The following ATPAF2 variants were observed in gnomAD, a reference collection of about 807,000 sequenced individuals.
ATPAF2 encodes the protein ATP synthase mitochondrial F1 complex assembly factor 2, also known as ATP12 homolog.
ATPAF2 carries 30 observed loss-of-function variants against 36.6 expected under a neutral mutation model. The observed-to-expected ratio is 0.82, with a 90% confidence interval of 0.61 to 1.11. The LOEUF (loss-of-function observed/expected upper bound fraction) is 1.11, where lower values mean the gene tolerates loss of function less well. Ranked by LOEUF, ATPAF2 falls within the 50% of genes most tolerant of loss-of-function variation. The pLI is 0.00. For missense variants in ATPAF2, 321 were observed against 372.3 expected, an observed-to-expected ratio of 0.86 and a Z score of 1.13; for synonymous variants, 140 against 152.6, an observed-to-expected ratio of 0.92 and a Z score of 0.61.
intron 3 of ATPAF2, 144 bp from the exon 4 acceptor site, chr17:18,026,560 C>T: frequency 1.4e-6 from 1 of 727,296 alleles, no homozygotes; most frequent in South Asian, 1.5e-5. Flanking sequence ...ACCGGAGCAG[C>T]AGCACAGCTA....
chr17:18,017,330 C>T (rs1304397729), downstream of ATPAF2, among the ~76,000 whole-genome samples: 3 of 152,156 alleles, frequency 2.0e-5, no homozygotes, highest in East Asian at 1.9e-4. Flanking sequence ...AAGTCAGACA[C>T]GTGCCCCTGC....
At chr17:18,019,185 A>ACACACACACACACACACC (rs1313379853) in intron 7 of ATPAF2, among the ~76,000 whole-genome samples, 7 of 146,358 alleles carry the variant, frequency 4.8e-5, no homozygotes, top group East Asian at 4.0e-4. Flanking sequence ...ACACACACAC[A>ACACACACACACACACACC]CCCCACCACC....
intron 7 of ATPAF2, among the ~76,000 whole-genome samples, chr17:18,019,042 G>A (rs1303705936): frequency 1.3e-5 from 2 of 152,104 alleles, no homozygotes; most frequent in South Asian, 4.1e-4. Context: ...GAGAGACTGA[G>A]GTAGGAGGAC....
At chr17:18,015,847 C>A (rs1281340284), downstream of ATPAF2, 2 of 523,242 alleles carry the variant, frequency 3.8e-6, no homozygotes, top group Admixed American at 3.2e-5. Context: ...CTGGTTGGCC[C>A]TTTCCCCACA....
chr17:18,031,376 A>G (rs1207832121), intron 1 of ATPAF2, among the ~76,000 whole-genome samples: 3 of 152,162 alleles, frequency 2.0e-5, no homozygotes, highest in Admixed American at 6.5e-5. Flanking sequence ...TGCATTCCAC[A>G]TTTGCACTTA....
Position 18,018,524 on chromosome 17 carries a change from C to T in ATPAF2, c.*25G>A, listed in dbSNP as rs2044417488. On this transcript the variant is annotated 3_prime_UTR_variant, in exon 8 of 8. Transcript: ENST00000474627. ...GAGCTGTGGCTGCACTGCCTCTATC[C>T]TGCTGAGTGTGCTCTGCCCAGGCCT... is the stretch of plus-strand genomic sequence containing the variant. 1 of 1,612,538 alleles carries T rather than the reference C, an allele frequency of 6.2e-7. No individual in the cohort carries two copies. Among genetic ancestry groups the T allele is most frequent in the African/African-American group, 1.3e-5 (1 of 75,062 alleles).
At chr17:18,023,123 CT>C (rs1568569038) in intron 5 of ATPAF2, among the ~76,000 whole-genome samples, 1 of 106,150 alleles carries the variant, frequency 9.4e-6, no homozygotes, top group African/African-American at 3.7e-5. Context: ...AGCGAGACTC[CT>C]TTCAAAAAAA....
intron 7 of ATPAF2, among the ~76,000 whole-genome samples, chr17:18,019,575 C>G (rs548756241): frequency 1.3e-5 from 2 of 152,392 alleles, no homozygotes; most frequent in Admixed American, 6.5e-5. Flanking sequence ...TGCAGATTCT[C>G]TGTCTGGAGC....
At chr17:18,038,626 G>C (rs1348363805) in intron 1 of ATPAF2, among the ~76,000 whole-genome samples, 1 of 152,208 alleles carries the variant, frequency 6.6e-6, no homozygotes, top group Non-Finnish European at 1.5e-5. Flanking sequence ...TTATTAAAGG[G>C]AGGGCAGCCA....
rs1568565910 is a variant in ATPAF2 at position 18,021,141 on chromosome 17, G to T, written c.714C>A (p.Arg238=). ...LTVEQAVLLS[R]LEEEYQIQKW... is the part of the protein sequence containing the mutation. The stretch of plus-strand genomic sequence containing the variant: ...TCCTCACCTGGTACTCCTCCTCCAG[G>T]CGTGACAGCAGCACGGCCTGCTCCA... The change falls in exon 7 of 8, where the codon CGC becomes CGA. Residue 238 remains arginine (R), a synonymous_variant. Transcript: ENST00000474627. 6.2e-7 allele frequency: 1 copy of T among 1,613,782 alleles called. No individual in the cohort carries two copies. The highest frequency in any genetic ancestry group is 1.7e-5 in the Admixed American group (1 of 59,980).
At chr17:18,016,510 T>C (rs1315452613), downstream of ATPAF2, 2 of 1,332,640 alleles carry the variant, frequency 1.5e-6, no homozygotes, top group South Asian at 1.2e-5. Context: ...TGAAAGATAT[T>C]AACCAATGAT....
Position 18,028,729 on chromosome 17 carries a change from G to A in ATPAF2, c.134-70C>T, listed in dbSNP as rs755278197. 162 of 1,379,554 alleles carry A rather than the reference G, an allele frequency of 1.2e-4. 1 individual carries two copies. Among genetic ancestry groups the A allele is most frequent in the Middle Eastern group, 1.8e-4 (1 of 5,644 alleles). 85.5% of individuals were successfully genotyped at this position (1,379,554 alleles called of 1,614,324 possible). On this transcript the variant is annotated intron_variant, in intron 1 of 7. Transcript: ENST00000474627. ...GACAACTCAGGAAGCGACAGGACCA[G>A]CTTGTATCATTACTGCTAATGTTGA... is the stretch of plus-strand genomic sequence containing the variant.
Position 18,035,467 on chromosome 17 carries a change from C to T in ATPAF2, c.133+3414G>A, listed in dbSNP as rs1006871696. ...GTTCTAAAATTGATTGTGGCAATGG[C>T]TGTACAATTCTGTAAATATACTAAA... On this transcript the variant is annotated intron_variant, in intron 1 of 7. Coordinates refer to ENST00000474627, the MANE Select transcript of ATPAF2 (RefSeq NM_145691.4). Among the ~76,000 whole-genome samples the T allele has an allele frequency of 2.6e-5, 4 of 152,222 alleles. No homozygotes were observed. In the East Asian group the frequency reaches 7.7e-4, roughly 29 times the overall value.
chr17:18,016,162 A>G, downstream of ATPAF2: 1 of 1,614,018 alleles, frequency 6.2e-7, no homozygotes, highest in South Asian at 1.1e-5. Flanking sequence ...TGGTGACCAG[A>G]ATCAACTCTT....
chr17:18,016,888 A>G (rs1302660182), downstream of ATPAF2: 5 of 362,292 alleles, frequency 1.4e-5, 1 homozygote, highest in East Asian at 2.5e-4. Flanking sequence ...AAAAAAAAAA[A>G]ATCAGCTGGG....
At chr17:18,034,416 A>C (rs2044677303) in intron 1 of ATPAF2, among the ~76,000 whole-genome samples, 1 of 152,194 alleles carries the variant, frequency 6.6e-6, no homozygotes, top group African/African-American at 2.4e-5. Context: ...TTTAAAAAAA[A>C]ACAATGGTCA....
chr17:18,036,094 A>G (rs2044699079), intron 1 of ATPAF2, among the ~76,000 whole-genome samples: 1 of 152,198 alleles, frequency 6.6e-6, no homozygotes, highest in African/African-American at 2.4e-5. Context: ...CCAACACCTC[A>G]GTGACCCTTT....
At chr17:18,028,150 C>T in intron 3 of ATPAF2, 82 bp downstream of exon 3, 3 of 1,575,088 alleles carry the variant, frequency 1.9e-6, no homozygotes, top group Non-Finnish European at 1.7e-6. Flanking sequence ...CCCCCAGGGC[C>T]TTGTCGGAAT....
At chr17:18,018,764 CAAT>C in intron 7 of ATPAF2, 78 bp from the exon 8 acceptor site, 1 of 1,606,414 alleles carries the variant, frequency 6.2e-7, no homozygotes, top group Non-Finnish European at 8.5e-7. Flanking sequence ...CGTTCCATTC[CAAT>C]AGGTTGGCTG....
Sources: gnomAD v4.1 joint callset for allele counts (sites outside exome capture counted in the v4.1 genomes callset) on GRCh38, gnomAD v4.1.1 for gene constraint, MANE v1.5 for transcripts, NCBI Gene and HGNC (gene_info 2026-07-23, HGNC 2026-07-21) for gene names.